The following CMPK2 variants were observed in gnomAD, a reference collection of about 807,000 sequenced individuals.
CMPK2 encodes UMP-CMP kinase 2, mitochondrial.
Under a neutral mutation model 33.4 loss-of-function variants are expected in CMPK2, and 32 were observed. The observed-to-expected ratio is 0.96, with a 90% CI of 0.72 to 1.29. The LOEUF is 1.29. Among genes scored for constraint, CMPK2 ranks in the 50% most tolerant of loss-of-function variants. The pLI, the probability that CMPK2 is intolerant of heterozygous loss-of-function variation, is 0.00. For missense variants in CMPK2, 672 were observed against 616.0 expected, an observed-to-expected ratio of 1.09 and a Z score of -0.96; for synonymous variants, 299 against 275.3, an observed-to-expected ratio of 1.09 and a Z score of -0.85.
chr2:6,854,351 G>A (rs935580939), intron 3 of CMPK2, among the ~76,000 whole-genome samples: 4 of 152,130 alleles, frequency 2.6e-5, no homozygotes, highest in African/African-American at 4.8e-5. Flanking sequence ...CACAGTCCCC[G>A]TTAAAAATTA....
intron 1 of CMPK2, 81 bp downstream of exon 1, chr2:6,864,941 C>T: frequency 7.4e-7 from 1 of 1,344,878 alleles, no homozygotes; most frequent in Non-Finnish European, 9.6e-7. Context: ...ACCGGCTCTA[C>T]AGACCAGCCT....
At chr2:6,859,159 T>C (rs1662800055) in intron 3 of CMPK2, among the ~76,000 whole-genome samples, 1 of 152,184 alleles carries the variant, frequency 6.6e-6, no homozygotes, top group African/African-American at 2.4e-5. Flanking sequence ...GGGTAACTGG[T>C]GGAAGAAATT....
downstream of CMPK2, among the ~76,000 whole-genome samples, chr2:6,845,543 T>C (rs1662336531): frequency 6.6e-6 from 1 of 152,246 alleles, no homozygotes; most frequent in South Asian, 2.1e-4. Context: ...CACCCATGGA[T>C]CCAGAGGAGC....
intron 3 of CMPK2, among the ~76,000 whole-genome samples, chr2:6,857,592 A>T (rs1345640957): frequency 6.7e-6 from 1 of 148,992 alleles, no homozygotes; most frequent in African/African-American, 2.5e-5. Flanking sequence ...TGCTTGGATT[A>T]CAGGTGTGAG....
downstream of CMPK2, among the ~76,000 whole-genome samples, chr2:6,847,277 C>A (rs1418347718): frequency 6.6e-6 from 1 of 152,140 alleles, no homozygotes; most frequent in African/African-American, 2.4e-5. Flanking sequence ...ACTCACAGTC[C>A]AAAAACTGGC....
At chr2:6,851,752 G>T in intron 3 of CMPK2, 69 bp from the exon 4 acceptor site, 1 of 1,458,524 alleles carries the variant, frequency 6.9e-7, no homozygotes, top group Non-Finnish European at 9.5e-7. Context: ...AAAATCAGCA[G>T]CCAGGAATGA....
intron 4 of CMPK2, chr2:6,850,639 G>A: frequency 1.6e-6 from 1 of 624,584 alleles, no homozygotes; most frequent in Non-Finnish European, 2.0e-6. Context: ...AATGAAGACT[G>A]AAACCGTACC....
At chr2:6,842,885 A>G (rs1023717614) in intron 3 of CMPK2, among the ~76,000 whole-genome samples, 1 of 152,208 alleles carries the variant, frequency 6.6e-6, no homozygotes, top group Admixed American at 6.5e-5. Context: ...TCCTTCTGAT[A>G]AGACTAGACC....
chr2:6,852,611 T>G (rs1481341982), intron 3 of CMPK2, among the ~76,000 whole-genome samples: 2 of 152,216 alleles, frequency 1.3e-5, no homozygotes, highest in Non-Finnish European at 2.9e-5. Flanking sequence ...TCAGAACTAC[T>G]TGTTATAAGT....
At chr2:6,861,135 C>G (rs1662867336) in intron 3 of CMPK2, 49 bp downstream of exon 3, 4 of 1,080,130 alleles carry the variant, frequency 3.7e-6, no homozygotes, top group Non-Finnish European at 5.6e-6. Context: ...CACCCACACA[C>G]TTATATATTA....
At chr2:6,855,342 C>CCT (rs772703913) in intron 3 of CMPK2, among the ~76,000 whole-genome samples, 25 of 147,332 alleles carry the variant, frequency 1.7e-4, no homozygotes, top group South Asian at 1.1e-3. Flanking sequence ...CCTGCCCCTG[C>CCT]CTCTCTCTCT....
downstream of CMPK2, among the ~76,000 whole-genome samples, chr2:6,847,351 A>G (rs972519534): frequency 1.6e-4 from 24 of 152,192 alleles, no homozygotes; most frequent in African/African-American, 5.8e-4. Context: ...AGGAGAAAAA[A>G]ACTTTTTCCT....
chr2:6,856,509 G>A (rs1337918178), intron 3 of CMPK2, among the ~76,000 whole-genome samples: 1 of 152,184 alleles, frequency 6.6e-6, no homozygotes, highest in Non-Finnish European at 1.5e-5. Context: ...TTACATTTAT[G>A]ATTAATGTTC....
At chr2:6,846,456 C>T (rs1662364804), downstream of CMPK2, among the ~76,000 whole-genome samples, 1 of 152,146 alleles carries the variant, frequency 6.6e-6, no homozygotes, top group Admixed American at 6.5e-5. Flanking sequence ...ACAAAAACAA[C>T]AACTCTTTGA....
At chr2:6,854,635 T>A (rs1662629862) in intron 3 of CMPK2, among the ~76,000 whole-genome samples, 1 of 152,166 alleles carries the variant, frequency 6.6e-6, no homozygotes, top group African/African-American at 2.4e-5. Context: ...CCTTAGCCCA[T>A]CAATTTCAGA....
At chr2:6,850,375 A>G (rs1392318036) in intron 4 of CMPK2, among the ~76,000 whole-genome samples, 1 of 152,248 alleles carries the variant, frequency 6.6e-6, no homozygotes, top group Non-Finnish European at 1.5e-5. Flanking sequence ...CATACAAGCC[A>G]CAGTCCTTAA....
At chr2:6,855,198 C>T (rs1452246308) in intron 3 of CMPK2, among the ~76,000 whole-genome samples, 4 of 151,590 alleles carry the variant, frequency 2.6e-5, no homozygotes, top group Non-Finnish European at 5.9e-5. Context: ...AGATGAGGCC[C>T]TGTGGGAGTT....
At position 6,851,560 on chromosome 2, in the gene CMPK2, G is replaced by A; in HGVS notation, c.1116C>T (p.Ile372=). The A allele has an allele frequency of 1.2e-6, 2 of 1,614,232 alleles. No individual in the cohort carries two copies. The highest frequency in any genetic ancestry group is 1.7e-6 in the Non-Finnish European group (2 of 1,180,038). The change falls in exon 4 of 5, where the codon ATC becomes ATT. Residue 372 remains isoleucine (I), a synonymous_variant. Coordinates refer to ENST00000256722, the MANE Select transcript of CMPK2 (RefSeq NM_207315.4). The stretch of plus-strand genomic sequence containing the variant: ...CCTCAGGACTCACAGTGAGCAGCAG[G>A]ATAAGGTCAGGTTTGAGCAGGTCCT... The part of the protein sequence containing the change: ...WPEDLLKPDL[I]LLLTVSPEER...
At chr2:6,864,950 C>A in intron 1 of CMPK2, 72 bp downstream of exon 1, 1 of 1,349,720 alleles carries the variant, frequency 7.4e-7, no homozygotes, top group Non-Finnish European at 9.6e-7. Flanking sequence ...ACAGACCAGC[C>A]TCTTGGTCCA....
Sources: gnomAD v4.1 joint callset for allele counts (sites outside exome capture counted in the v4.1 genomes callset) on GRCh38, gnomAD v4.1.1 for gene constraint, MANE v1.5 for transcripts, NCBI Gene and HGNC (gene_info 2026-07-23, HGNC 2026-07-21) for gene names.